Variants in RCOR1 observed in about 807,000 individuals in gnomAD.
RCOR1 encodes the protein REST corepressor.
Under a neutral mutation model 64.0 loss-of-function variants are expected in RCOR1, and 12 were observed. The ratio of observed to expected loss-of-function variants is 0.19; its 90% confidence interval spans 0.12 to 0.30. The LOEUF (loss-of-function observed/expected upper bound fraction) is 0.30, where lower values mean the gene tolerates loss of function less well. RCOR1 is among the 10% of genes least tolerant of loss of function. The pLI is 1.00. For missense variants in RCOR1, 502 were observed against 621.2 expected (o/e 0.81, Z 2.04); for synonymous variants, 279 against 227.2 (o/e 1.23, Z -2.05).
At chr14:102,699,043 C>T (rs1018435531) in intron 3 of RCOR1, among the ~76,000 whole-genome samples, 17 of 152,124 alleles carry the variant, frequency 1.1e-4, no homozygotes, top group Non-Finnish European at 2.4e-4. Context: ...TGCGCCACCA[C>T]GCCCAGCTAA....
intron 2 of RCOR1, among the ~76,000 whole-genome samples, chr14:102,666,730 G>T (rs1343321850): frequency 6.6e-6 from 1 of 152,152 alleles, no homozygotes; most frequent in African/African-American, 2.4e-5. Context: ...ATTGTACTAA[G>T]GTTATGAGTT....
At chr14:102,602,950 T>C (rs763757823) in intron 2 of RCOR1, among the ~76,000 whole-genome samples, 1 of 152,114 alleles carries the variant, frequency 6.6e-6, no homozygotes, top group Non-Finnish European at 1.5e-5. Context: ...AACCAGTCCT[T>C]CTGCTGTGTC....
intron 2 of RCOR1, among the ~76,000 whole-genome samples, chr14:102,654,488 G>A (rs1894681711): frequency 6.6e-6 from 1 of 152,120 alleles, no homozygotes; most frequent in African/African-American, 2.4e-5. Context: ...ACCTTTTCAT[G>A]ATGTGGGTGG....
At chr14:102,623,410 A>ATTTATTTATTT (rs1893916982) in intron 2 of RCOR1, among the ~76,000 whole-genome samples, 2 of 149,720 alleles carry the variant, frequency 1.3e-5, no homozygotes, top group Non-Finnish European at 3.0e-5. Context: ...TTATTTATTT[A>ATTTATTTATTT]TTTATTTATT....
chr14:102,645,806 C>CA (rs1006093084), intron 2 of RCOR1, among the ~76,000 whole-genome samples: 4 of 152,134 alleles, frequency 2.6e-5, no homozygotes, highest in African/African-American at 4.8e-5. Flanking sequence ...TGGCTGCAGT[C>CA]AGATGGTAGA....
At chr14:102,725,275 G>A (rs1481489687) in intron 11 of RCOR1, among the ~76,000 whole-genome samples, 1 of 152,226 alleles carries the variant, frequency 6.6e-6, no homozygotes, top group Non-Finnish European at 1.5e-5. Context: ...ATCACTTTGC[G>A]ATTTTGGATG....
intron 2 of RCOR1, among the ~76,000 whole-genome samples, chr14:102,623,554 G>T (rs1013183029): frequency 6.6e-6 from 1 of 151,414 alleles, no homozygotes. Context: ...GATTATAGGC[G>T]CCCACCACCA....
chr14:102,668,282 G>C (rs1894957162), intron 2 of RCOR1, among the ~76,000 whole-genome samples: 1 of 152,200 alleles, frequency 6.6e-6, no homozygotes, highest in African/African-American at 2.4e-5. Context: ...CGGTAATGCA[G>C]GTACTGTTGT....
chr14:102,718,872 C>T (rs910927813), intron 8 of RCOR1, among the ~76,000 whole-genome samples: 12 of 152,074 alleles, frequency 7.9e-5, no homozygotes, highest in African/African-American at 2.9e-4. Context: ...TCACAGTAGC[C>T]TCAAAGGCCT....
intron 2 of RCOR1, among the ~76,000 whole-genome samples, chr14:102,651,552 CAA>C (rs1157635431): frequency 1.7e-5 from 2 of 114,678 alleles, no homozygotes; most frequent in East Asian, 2.4e-4. Flanking sequence ...GACTCCATCT[CAA>C]AAAAAAAAAA....
In RCOR1 at chr14:102,701,259, A is replaced by G; in HGVS notation, c.446-19A>G. ...TCTGTCCCTCAGTTTGTTTAATGGC[A>G]TCTCTTCTTGTTTTTCAGTGGATGA... is the stretch of plus-strand genomic sequence containing the variant. On this transcript the variant is annotated intron_variant, in intron 3 of 11. Coordinates refer to ENST00000262241, the MANE Select transcript of RCOR1 (RefSeq NM_015156.4). 1 of 1,607,822 alleles carries G rather than the reference A, an allele frequency of 6.2e-7. No individual in the cohort carries two copies. Among genetic ancestry groups the G allele is most frequent in the Non-Finnish European group, 8.5e-7 (1 of 1,174,492 alleles).
chr14:102,715,670 C>A (rs1896055930), intron 8 of RCOR1, among the ~76,000 whole-genome samples: 1 of 152,198 alleles, frequency 6.6e-6, no homozygotes, highest in South Asian at 2.1e-4. Flanking sequence ...CAGGTGTGAG[C>A]TACCACACTC....
At chr14:102,675,246 A>G (rs535693585) in intron 2 of RCOR1, among the ~76,000 whole-genome samples, 25 of 152,152 alleles carry the variant, frequency 1.6e-4, no homozygotes, top group South Asian at 8.3e-4. Flanking sequence ...CATGTATACA[A>G]TACTCCTCCC....
chr14:102,663,923 A>G (rs1440865834), intron 2 of RCOR1, among the ~76,000 whole-genome samples: 1 of 152,180 alleles, frequency 6.6e-6, no homozygotes, highest in Non-Finnish European at 1.5e-5. Context: ...CTGTGAGTCC[A>G]AGAGAATGAG....
intron 2 of RCOR1, among the ~76,000 whole-genome samples, chr14:102,628,522 TGAC>T (rs1443941886): frequency 6.7e-6 from 1 of 149,808 alleles, no homozygotes; most frequent in Non-Finnish European, 1.5e-5. Context: ...TGTTGCCCAG[TGAC>T]TCACTGCAAC....
chr14:102,627,974 T>C (rs1161849244), intron 2 of RCOR1, among the ~76,000 whole-genome samples: 1 of 151,608 alleles, frequency 6.6e-6, no homozygotes, highest in Non-Finnish European at 1.5e-5. Flanking sequence ...TGTGTGTGTG[T>C]GTGTGTGTAA....
intron 2 of RCOR1, 52 bp downstream of exon 2, chr14:102,593,377 TC>T (rs1242892492): frequency 3.4e-6 from 5 of 1,460,890 alleles, no homozygotes; most frequent in Admixed American, 2.8e-5. Context: ...GAGCCCCGGG[TC>T]CCCGGCGAGC....
At chr14:102,601,566 A>G (rs1183353943) in intron 2 of RCOR1, among the ~76,000 whole-genome samples, 2 of 152,222 alleles carry the variant, frequency 1.3e-5, no homozygotes, top group African/African-American at 4.8e-5. Flanking sequence ...CTGTGAAAGA[A>G]GAGAGGGAAG....
At chr14:102,627,835 A>G (rs1031497050) in intron 2 of RCOR1, among the ~76,000 whole-genome samples, 6 of 152,008 alleles carry the variant, frequency 3.9e-5, no homozygotes, top group East Asian at 1.9e-4. Context: ...AAATCCAGCA[A>G]TCTGTTTGCA....
Sources: gnomAD v4.1 joint callset for allele counts (sites outside exome capture counted in the v4.1 genomes callset) on GRCh38, gnomAD v4.1.1 for gene constraint, MANE v1.5 for transcripts, NCBI Gene and HGNC (gene_info 2026-07-23, HGNC 2026-07-21) for gene names.